OSGIN1: variants seen among roughly 807,000 people sequenced by gnomAD.
OSGIN1 encodes the protein oxidative stress-induced growth inhibitor 1.
A neutral mutation model predicts 20.1 loss-of-function variants in OSGIN1; 19 were observed. That is an observed-to-expected ratio of 0.95 (90% confidence interval 0.66 to 1.39). The LOEUF (loss-of-function observed/expected upper bound fraction) is 1.39, where lower values mean the gene tolerates loss of function less well. Among genes scored for constraint, OSGIN1 ranks in the 40% most tolerant of loss-of-function variants. The pLI, the probability that OSGIN1 is intolerant of heterozygous loss-of-function variation, is 0.00. For missense variants in OSGIN1, 820 were observed against 653.0 expected (o/e 1.26, Z -2.79); for synonymous variants, 368 against 297.8 (o/e 1.24, Z -2.43).
intron 3 of OSGIN1, 72 bp from the exon 4 acceptor site, chr16:83,960,497 G>A (rs768357762): frequency 1.6e-6 from 2 of 1,278,990 alleles, no homozygotes; most frequent in Non-Finnish European, 2.2e-6. Flanking sequence ...CCACGTTCCT[G>A]CCCAGCCTCA....
In OSGIN1 at chr16:83,962,383, T is replaced by C. The variant is rs544425666; in HGVS notation, c.488+1311T>C. Reference sequence around the variant, plus strand: ...CCTCCCGAGTAGCTGGGACTACAGGTGCCCACCACCACACCCGGCTAATTA... The same window carrying C: ...CCTCCCGAGTAGCTGGGACTACAGGCGCCCACCACCACACCCGGCTAATTA... On this transcript the variant is annotated intron_variant, in intron 5 of 5. Transcript: ENST00000393306. Among the ~76,000 whole-genome samples the C allele has an allele frequency of 2.2e-3, 338 of 152,194 alleles. 1 individual carries two copies. The highest frequency in any genetic ancestry group is 4.6e-3 in the Admixed American group (71 of 15,274).
intron 1 of OSGIN1, among the ~76,000 whole-genome samples, chr16:83,955,967 G>A (rs981002061): frequency 3.9e-5 from 6 of 152,186 alleles, no homozygotes; most frequent in South Asian, 4.1e-4. Context: ...AGAGAGCACC[G>A]ACACAGGGGT....
At chr16:83,960,914 A>T in intron 4 of OSGIN1, 67 bp from the exon 5 acceptor site, 1 of 1,550,176 alleles carries the variant, frequency 6.5e-7, no homozygotes, top group Admixed American at 1.7e-5. Flanking sequence ...AAGGCCTCCC[A>T]TGCCCTCTAG....
Position 83,953,249 on chromosome 16 carries a change from T to G in OSGIN1, c.-154T>G. ...TTCCCTCTGGCCTCTCAGAGCCTCT[T>G]GGATCCCCACAGGGTAATGGGTGTC... On this transcript the variant is annotated 5_prime_UTR_variant, in exon 1 of 6. Coordinates refer to ENST00000393306, the MANE Select transcript of OSGIN1 (RefSeq NM_182981.3). The G allele has an allele frequency of 2.3e-6, 3 of 1,285,490 alleles. No individual in the cohort carries two copies. Among genetic ancestry groups the G allele is most frequent in the Non-Finnish European group, 3.0e-6 (3 of 986,456 alleles). 79.6% of individuals were successfully genotyped at this position (1,285,490 alleles called of 1,614,324 possible).
At chr16:83,956,704 A>G (rs1567654692) in intron 1 of OSGIN1, among the ~76,000 whole-genome samples, 1 of 152,206 alleles carries the variant, frequency 6.6e-6, no homozygotes, top group African/African-American at 2.4e-5. Context: ...TATGAGAAAA[A>G]GCATGTCAAA....
intron 1 of OSGIN1, among the ~76,000 whole-genome samples, chr16:83,955,363 C>T (rs779386111): frequency 3.3e-5 from 5 of 152,152 alleles, no homozygotes; most frequent in Admixed American, 6.5e-5. Flanking sequence ...ACTAGCGCTG[C>T]GACAGAGAAG....
chr16:83,963,116 G>A (rs1333899025), intron 5 of OSGIN1, among the ~76,000 whole-genome samples: 3 of 152,194 alleles, frequency 2.0e-5, no homozygotes. Context: ...CCAACGGCAG[G>A]CACTCCAGGC....
rs76923778 is a variant in OSGIN1, at chr16:83,960,171, A to C, written c.205-398A>C. ...AGAAAAATGTCCCCACTCCAGTAAAACAGGGACACACTGGGTTTGGCAAAA... is the reference window on the plus strand; with the variant it reads ...AGAAAAATGTCCCCACTCCAGTAAACCAGGGACACACTGGGTTTGGCAAAA... On this transcript the variant is annotated intron_variant, in intron 3 of 5. Transcript: ENST00000393306. 8.5e-3 allele frequency among the ~76,000 whole-genome samples: 1,290 copies of C among 152,284 alleles called. 8 individuals carry two copies. The highest frequency in any genetic ancestry group is 0.019 in the South Asian group (93 of 4,820).
rs758953583 is a variant in OSGIN1, at chr16:83,965,906, A to G, written c.1333A>G (p.Met445Val). The G allele has an allele frequency of 3.1e-6, 5 of 1,612,684 alleles. No individual in the cohort carries two copies. The highest frequency in any genetic ancestry group is 1.3e-5 in the African/African-American group (1 of 74,936). Residue 445 changes from methionine (M) to valine (V), a missense_variant, in exon 6 of 6, where the codon ATG becomes GTG. Transcript: ENST00000393306. ...CACCCGCCAGGAGGGCCTGTACGCC[A>G]TGGGGCCGCTGGCCGGGGACAACTT... ...QSTRQEGLYA[M>V]GPLAGDNFVR...
chr16:83,964,999 T>TA, intron 5 of OSGIN1, 63 bp from the exon 6 acceptor site: 8 of 645,906 alleles, frequency 1.2e-5, no homozygotes, highest in Non-Finnish European at 1.9e-5. Flanking sequence ...ACATCTCCCG[T>TA]CCCACCCAGC....
At chr16:83,962,970 A>G (rs1481730451) in intron 5 of OSGIN1, among the ~76,000 whole-genome samples, 1 of 152,132 alleles carries the variant, frequency 6.6e-6, no homozygotes, top group Non-Finnish European at 1.5e-5. Context: ...CACTGAATAA[A>G]GGAGTTCTAG....
intron 1 of OSGIN1, among the ~76,000 whole-genome samples, chr16:83,955,141 C>T (rs2151074445): frequency 1.3e-5 from 2 of 152,290 alleles, no homozygotes; most frequent in African/African-American, 4.8e-5. Flanking sequence ...CCCATGCTCC[C>T]CAGTGGCTGC....
chr16:83,959,406 C>T lies in OSGIN1; in HGVS notation c.204+10C>T, dbSNP rs191126713. 117 of 1,613,260 alleles carry T rather than the reference C, an allele frequency of 7.3e-5. No individual in the cohort carries two copies. Among genetic ancestry groups the T allele is most frequent in the African/African-American group, 4.0e-5 (3 of 75,032 alleles). ...CTCCATCCTGGACCAGGTGGGTCAGCCTGGGGCCAGAGCTCTGGGTAGTAC... is the reference window on the plus strand; with the variant it reads ...CTCCATCCTGGACCAGGTGGGTCAGTCTGGGGCCAGAGCTCTGGGTAGTAC... On this transcript the variant is annotated intron_variant, in intron 3 of 5. Transcript: ENST00000393306.
rs943979168 is a variant in OSGIN1, at chr16:83,959,449, A to T, written c.204+53A>T. On this transcript the variant is annotated intron_variant, in intron 3 of 5. Coordinates refer to ENST00000393306, the MANE Select transcript of OSGIN1 (RefSeq NM_182981.3). ...GGTAGTACATACCCGCCCTTGGAAA[A>T]CTACCGCCGCTTTCCCAGGGAAAAA... is the stretch of plus-strand genomic sequence containing the variant. The T allele has an allele frequency of 2.6e-6, 4 of 1,516,726 alleles. No individual in the cohort carries two copies. In the African/African-American group the frequency reaches 5.6e-5, roughly 21 times the overall value. 94.0% of individuals were successfully genotyped at this position (1,516,726 alleles called of 1,614,324 possible).
chr16:83,960,930 A>G (rs376745376), intron 4 of OSGIN1, 51 bp from the exon 5 acceptor site: 50 of 1,579,134 alleles, frequency 3.2e-5, no homozygotes, highest in Non-Finnish European at 3.6e-5. Context: ...TCTAGCCCCA[A>G]ATGGGTTCAG....
At chr16:83,964,944 T>C (rs2084257703) in intron 5 of OSGIN1, 118 bp from the exon 6 acceptor site, 2 of 718,760 alleles carry the variant, frequency 2.8e-6, no homozygotes, top group Non-Finnish European at 4.7e-6. Flanking sequence ...GGCCTAGTCC[T>C]ACAGCTACAG....
chr16:83,954,199 C>T (rs983407512), intron 1 of OSGIN1: 1 of 152,222 alleles, frequency 6.6e-6, no homozygotes, highest in African/African-American at 2.4e-5. Context: ...CCTGGGGTGT[C>T]TTCAAAGGCA....
chr16:83,955,204 T>C (rs2255443), intron 1 of OSGIN1, among the ~76,000 whole-genome samples: 78,028 of 151,952 alleles, frequency 0.51, 21,019 homozygotes, highest in East Asian at 0.74. Flanking sequence ...TTCGAGGGTA[T>C]CAGGAGCAAG....
Position 83,965,570 on chromosome 16 carries a change from C to G in OSGIN1, c.997C>G (p.Leu333Val). 6.2e-7 allele frequency: 1 copy of G among 1,612,972 alleles called. No homozygotes were observed. Among genetic ancestry groups the G allele is most frequent in the Non-Finnish European group, 8.5e-7 (1 of 1,180,012 alleles). Residue 333 changes from leucine (L) to valine (V), a missense_variant, in exon 6 of 6, where the codon CTG becomes GTG. Coordinates refer to ENST00000393306, the MANE Select transcript of OSGIN1 (RefSeq NM_182981.3). ...GGTGTTCAACCAGCTGCCCAAGATGCTGTACCCCGAGTACCACAAGGTGCA... is the reference window on the plus strand; with the variant it reads ...GGTGTTCAACCAGCTGCCCAAGATGGTGTACCCCGAGTACCACAAGGTGCA... The part of the protein sequence containing the change: ...GLVFNQLPKM[L>V]YPEYHKVHQM...
Sources: allele counts gnomAD v4.1 joint callset (sites outside exome capture counted in the v4.1 genomes callset), GRCh38; gene constraint gnomAD v4.1.1; transcripts MANE v1.5; gene names NCBI Gene and HGNC (gene_info 2026-07-23, HGNC 2026-07-21).